Variants in EPS15 observed in about 807,000 individuals in gnomAD.
The protein encoded by EPS15 is epidermal growth factor receptor substrate 15.
Under a neutral mutation model 113.8 loss-of-function variants are expected in EPS15, and 72 were observed. The observed-to-expected ratio is 0.63, with a 90% CI of 0.52 to 0.77. The LOEUF is 0.77. Ranked by LOEUF, EPS15 falls within the 30% of genes least tolerant of loss-of-function variation. The pLI is 0.00. For missense variants in EPS15, 1,048 were observed against 1,045.8 expected (o/e 1.00, Z -0.03); for synonymous variants, 344 against 363.4 (o/e 0.95, Z 0.61).
At chr1:51,485,979 G>A (rs965950628) in intron 1 of EPS15, among the ~76,000 whole-genome samples, 4 of 151,810 alleles carry the variant, frequency 2.6e-5, no homozygotes, top group African/African-American at 9.7e-5. Context: ...TGTATTTTTA[G>A]TAGAGATGGG....
chr1:51,377,515 TAAGA>T (rs1646828813), intron 21 of EPS15, among the ~76,000 whole-genome samples: 1 of 152,196 alleles, frequency 6.6e-6, no homozygotes, highest in Non-Finnish European at 1.5e-5. Flanking sequence ...CCTCTACAGA[TAAGA>T]AAGTGATTTC....
At chr1:51,476,145 G>A (rs1355744651) in intron 2 of EPS15, among the ~76,000 whole-genome samples, 1 of 152,146 alleles carries the variant, frequency 6.6e-6, no homozygotes, top group Non-Finnish European at 1.5e-5. Flanking sequence ...TTTTGCTTAG[G>A]ATTGTCTTGG....
chr1:51,418,662 T>C (rs184476832), intron 13 of EPS15, among the ~76,000 whole-genome samples: 1 of 152,186 alleles, frequency 6.6e-6, no homozygotes, highest in East Asian at 1.9e-4. Context: ...GAAGAGAAGA[T>C]AATAAAGAGA....
At chr1:51,357,043 T>C (rs1278694208) in intron 24 of EPS15, among the ~76,000 whole-genome samples, 197 bp from the exon 25 acceptor site, 1 of 151,960 alleles carries the variant, frequency 6.6e-6, no homozygotes, top group Non-Finnish European at 1.5e-5. Context: ...TTTAAAAAAT[T>C]AATTCAATCT....
chr1:51,512,850 T>TTC (rs1644649535), intron 1 of EPS15, among the ~76,000 whole-genome samples: 1 of 149,232 alleles, frequency 6.7e-6, no homozygotes, highest in African/African-American at 2.5e-5. Context: ...TATCTTTTTT[T>TTC]TTTTTTTTTT....
intron 1 of EPS15, among the ~76,000 whole-genome samples, chr1:51,490,825 T>C (rs1644219876): frequency 6.6e-6 from 1 of 152,170 alleles, no homozygotes; most frequent in Non-Finnish European, 1.5e-5. Context: ...GATAGAACTA[T>C]ATATGCAAAC....
At chr1:51,379,717 G>A (rs374597654) in intron 21 of EPS15, among the ~76,000 whole-genome samples, 8 of 151,880 alleles carry the variant, frequency 5.3e-5, no homozygotes, top group East Asian at 3.9e-4. Flanking sequence ...AGGAGTTTGA[G>A]ACCAGCCTGG....
intron 22 of EPS15, among the ~76,000 whole-genome samples, chr1:51,364,447 CT>C (rs2148349189): frequency 6.6e-6 from 1 of 151,652 alleles, no homozygotes; most frequent in Non-Finnish European, 1.5e-5. Flanking sequence ...AGATTTAATA[CT>C]AATGCAAGGA....
intron 1 of EPS15, among the ~76,000 whole-genome samples, chr1:51,496,890 A>T (rs1644333365): frequency 6.6e-6 from 1 of 152,196 alleles, no homozygotes; most frequent in Admixed American, 6.5e-5. Context: ...TCTAATGTCT[A>T]CTATGTGACA....
At chr1:51,363,773 C>T in intron 23 of EPS15, 93 bp downstream of exon 23, 2 of 1,226,610 alleles carry the variant, frequency 1.6e-6, no homozygotes, top group Non-Finnish European at 2.2e-6. Context: ...ACTTGTTTCA[C>T]TTAAAGCCAT....
chr1:51,395,499 A>C (rs529581251), intron 20 of EPS15, among the ~76,000 whole-genome samples: 6 of 151,658 alleles, frequency 4.0e-5, no homozygotes, highest in African/African-American at 1.4e-4. Context: ...TCAGAGAGAA[A>C]ACACATATAC....
At position 51,354,325 on chromosome 1, in the gene EPS15, A is replaced by G. The variant is rs376099642; in HGVS notation, c.*2375T>C. ...CTGTCCCAAACCCTTTACATATATT[A>G]ATCTGTGCTGATTGTATGTACCTAC... On this transcript the variant is annotated 3_prime_UTR_variant, in exon 25 of 25. Transcript: ENST00000371733. 2 of 179,152 alleles carry G rather than the reference A, an allele frequency of 1.1e-5. No homozygotes were observed. The highest frequency in any genetic ancestry group is 4.7e-5 in the African/African-American group (2 of 42,430). The allele number at this position is 179,152 out of a possible 1,614,324, so 11.1% of individuals were successfully genotyped here. A position where few individuals can be genotyped will look rare whatever the true frequency, so the allele number is the denominator to read the frequency against.
intron 12 of EPS15, among the ~76,000 whole-genome samples, chr1:51,431,012 AC>A (rs1557462500): frequency 1.7e-4 from 24 of 138,312 alleles, no homozygotes; most frequent in African/African-American, 6.0e-4. Context: ...ACACACACAC[AC>A]ACACACACAC....
intron 12 of EPS15, among the ~76,000 whole-genome samples, chr1:51,424,507 C>A (rs932909431): frequency 6.6e-6 from 1 of 152,174 alleles, no homozygotes; most frequent in Non-Finnish European, 1.5e-5. Context: ...AAGCAATTCT[C>A]TTTAAGGATC....
At chr1:51,518,985 C>T (rs954445864) in intron 1 of EPS15, among the ~76,000 whole-genome samples, 1 of 151,110 alleles carries the variant, frequency 6.6e-6, no homozygotes, top group African/African-American at 2.4e-5. Flanking sequence ...CGCCCGACGA[C>T]CCTGGGCGAG....
chr1:51,496,457 A>G (rs898521919), intron 1 of EPS15, among the ~76,000 whole-genome samples: 1 of 152,208 alleles, frequency 6.6e-6, no homozygotes, highest in Non-Finnish European at 1.5e-5. Flanking sequence ...CATTTAACAA[A>G]AGCATTACCA....
Position 51,384,327 on chromosome 1 carries a change from G to C in EPS15, c.2119+10054C>G, listed in dbSNP as rs192403801. 3.4e-3 allele frequency among the ~76,000 whole-genome samples: 475 copies of C among 138,842 alleles called. 2 individuals carry two copies. Among genetic ancestry groups the C allele is most frequent in the African/African-American group, 0.013 (442 of 35,184 alleles). The allele number at this position is 138,842 out of a possible 152,430, so 91.1% of individuals were successfully genotyped here. A position where few individuals can be genotyped will look rare whatever the true frequency, so the allele number is the denominator to read the frequency against. ...TTTTTTTTTTTTTTTTTGAGACAGG[G>C]TCTGGTTCTGTCACCCAGGCTACAG... On this transcript the variant is annotated intron_variant, in intron 21 of 24. Transcript: ENST00000371733.
chr1:51,391,896 C>T (rs1647406579), intron 21 of EPS15, among the ~76,000 whole-genome samples: 1 of 152,120 alleles, frequency 6.6e-6, no homozygotes, highest in African/African-American at 2.4e-5. Flanking sequence ...TAGACTTATG[C>T]ATTAGATATA....
chr1:51,405,192 G>A lies in EPS15; in HGVS notation c.1677+713C>T, dbSNP rs1185487091. ...ACAGTGTTACACTACTACACTGTAGGCTGCTTGAAGGAAAGACTGAGGTCT... is the reference window on the plus strand; with the variant it reads ...ACAGTGTTACACTACTACACTGTAGACTGCTTGAAGGAAAGACTGAGGTCT... On this transcript the variant is annotated intron_variant, in intron 16 of 24. Coordinates refer to ENST00000371733, the MANE Select transcript of EPS15 (RefSeq NM_001981.3). Among the ~76,000 whole-genome samples, 6 of 152,222 alleles carry A rather than the reference G, an allele frequency of 3.9e-5. No individual in the cohort carries two copies. The South Asian group carries it at 1.2e-3, about 32-fold the overall frequency.
Sources: allele counts gnomAD v4.1 joint callset (sites outside exome capture counted in the v4.1 genomes callset), GRCh38; gene constraint gnomAD v4.1.1; transcripts MANE v1.5; gene names NCBI Gene and HGNC (gene_info 2026-07-23, HGNC 2026-07-21).